Variants in TMEM232 observed in about 807,000 individuals in gnomAD.
The protein encoded by TMEM232 is transmembrane protein 232.
A neutral mutation model predicts 78.8 loss-of-function variants in TMEM232; 80 were observed. The observed-to-expected ratio is 1.01, with a 90% confidence interval of 0.85 to 1.22. TMEM232 has a LOEUF of 1.22. Ranked by LOEUF, TMEM232 falls within the 50% of genes most tolerant of loss-of-function variation. The probability of loss-of-function intolerance (pLI) is 0.00; values close to 1 mark genes in which losing one functional copy is unlikely to be tolerated. For missense variants in TMEM232, 881 were observed against 742.2 expected (o/e 1.19, Z -2.17); for synonymous variants, 297 against 254.3 (o/e 1.17, Z -1.60).
upstream of TMEM232, among the ~76,000 whole-genome samples, chr5:110,731,464 G>C (rs111841816): frequency 0.014 from 2,063 of 152,328 alleles, 42 homozygotes; most frequent in African/African-American, 0.047. Context: ...CCCTGCAGCA[G>C]ACTTTTGCCT....
chr5:110,535,360 C>A (rs1001216463), intron 11 of TMEM232, among the ~76,000 whole-genome samples: 1 of 152,100 alleles, frequency 6.6e-6, no homozygotes, highest in Non-Finnish European at 1.5e-5. Flanking sequence ...AACAACCCCC[C>A]TTTTTCCTTT....
Position 110,528,664 on chromosome 5 carries a change from T to C in TMEM232, c.1627A>G (p.Ile543Val), listed in dbSNP as rs888556138. ...AHFLPLKKPS[I>V]KKDQTKYPNK... ...GGATATTTTGTTTGATCCTTTTTTA[T>C]TGATGGTTTCTTCAAAGGAAGAAAA... Residue 543 changes from isoleucine (I) to valine (V), a missense_variant, in exon 12 of 14, where the codon ATA (isoleucine) becomes GTA (valine). By Grantham distance (29) the Ile-to-Val change is conservative. Coordinates refer to ENST00000455884, the MANE Select transcript of TMEM232 (RefSeq NM_001039763.4). The C allele has an allele frequency of 6.1e-5, 94 of 1,535,084 alleles. 1 individual carries two copies. The highest frequency in any genetic ancestry group is 1.1e-4 in the African/African-American group (8 of 73,030).
At chr5:110,649,450 A>T (rs1013787929) in intron 2 of TMEM232, among the ~76,000 whole-genome samples, 19 of 152,164 alleles carry the variant, frequency 1.2e-4, no homozygotes, top group Admixed American at 6.6e-5. Context: ...ACAACAAAAA[A>T]TATACAAGTG....
intron 12 of TMEM232, among the ~76,000 whole-genome samples, chr5:110,500,918 C>T (rs925876496): frequency 2.6e-5 from 4 of 152,102 alleles, no homozygotes; most frequent in African/African-American, 9.7e-5. Context: ...ATAGTTCTTC[C>T]ACTATGCAAA....
intron 12 of TMEM232, among the ~76,000 whole-genome samples, chr5:110,444,556 G>A (rs1283724750): frequency 5.3e-5 from 8 of 152,130 alleles, no homozygotes; most frequent in Non-Finnish European, 1.0e-4. Flanking sequence ...ATGCTTTTCC[G>A]TGACAGTTGT....
intron 11 of TMEM232, among the ~76,000 whole-genome samples, chr5:110,550,314 T>C (rs1408063804): frequency 6.6e-6 from 1 of 152,162 alleles, no homozygotes; most frequent in African/African-American, 2.4e-5. Context: ...GAGGTATTTC[T>C]AAAAATATGC....
rs374000463 is a variant in TMEM232, at chr5:110,661,292, A to G, written c.125+5936T>C. Among the ~76,000 whole-genome samples, 6 of 152,288 alleles carry G rather than the reference A, an allele frequency of 3.9e-5. No individual in the cohort carries two copies. In the South Asian group the frequency reaches 1.0e-3, roughly 26 times the overall value. ...TATTGTGAATAATGCTACAAGTAAC[A>G]TGAGAGGACAGATATCTCTTTTATT... On this transcript the variant is annotated intron_variant, in intron 2 of 13. Transcript: ENST00000455884.
At chr5:110,678,990 G>A (rs1415223941) in intron 1 of TMEM232, among the ~76,000 whole-genome samples, 1 of 152,094 alleles carries the variant, frequency 6.6e-6, no homozygotes, top group Admixed American at 6.6e-5. Context: ...TCATGTGCAG[G>A]TTTTTCTATG....
chr5:110,523,018 T>C (rs1769778280), intron 12 of TMEM232, among the ~76,000 whole-genome samples: 1 of 152,188 alleles, frequency 6.6e-6, no homozygotes, highest in South Asian at 2.1e-4. Flanking sequence ...GATTCACCAA[T>C]GAAGCTACTG....
At position 110,397,263 on chromosome 5, in the gene TMEM232, T is replaced by G. The variant is rs183867972; in HGVS notation, n.390+510A>C. On this transcript the variant is annotated intron_variant and non_coding_transcript_variant, in intron 3 of 8. Transcript: ENST00000507188. ...AGATATATGCCATCTGTTTAAAATT[T>G]AAATGTTATACCATGAAAAACATGT... Among the ~76,000 whole-genome samples the G allele has an allele frequency of 7.2e-5, 11 of 152,274 alleles. No homozygotes were observed. The East Asian group carries it at 1.9e-3, about 27-fold the overall frequency.
chr5:110,496,990 G>T (rs916154083), intron 12 of TMEM232, among the ~76,000 whole-genome samples: 2 of 151,938 alleles, frequency 1.3e-5, no homozygotes, highest in Non-Finnish European at 2.9e-5. Flanking sequence ...TAAATTCCTA[G>T]GATCTGGTGA....
At chr5:110,667,955 A>G (rs1036039834) in intron 1 of TMEM232, among the ~76,000 whole-genome samples, 1 of 152,044 alleles carries the variant, frequency 6.6e-6, no homozygotes, top group African/African-American at 2.4e-5. Flanking sequence ...AGTATATTCT[A>G]TGAGTGTATG....
intron 8 of TMEM232, among the ~76,000 whole-genome samples, chr5:110,613,475 T>C (rs993830799): frequency 6.6e-6 from 1 of 152,296 alleles, no homozygotes; most frequent in South Asian, 2.1e-4. Flanking sequence ...TTCAACATTA[T>C]GTTACTTTCC....
At chr5:110,581,556 TA>T (rs1778212328) in intron 10 of TMEM232, among the ~76,000 whole-genome samples, 1 of 151,870 alleles carries the variant, frequency 6.6e-6, no homozygotes, top group South Asian at 2.1e-4. Flanking sequence ...CTACAAACTA[TA>T]AAAATCCTAG....
rs369599692 is a variant in TMEM232, at chr5:110,660,111, T to C, written c.125+7117A>G. On this transcript the variant is annotated intron_variant, in intron 2 of 13. Transcript: ENST00000455884. ...AAGTAAGATAATTTTTAAAATTATA[T>C]TCTGACACATCATAGCAAAACTGAA... 3.6e-4 allele frequency among the ~76,000 whole-genome samples: 55 copies of C among 152,216 alleles called. No homozygotes were observed. In the East Asian group the frequency reaches 5.6e-3, roughly 15 times the overall value.
At chr5:110,649,260 T>A (rs956587035) in intron 2 of TMEM232, among the ~76,000 whole-genome samples, 6 of 152,098 alleles carry the variant, frequency 3.9e-5, no homozygotes, top group Non-Finnish European at 7.4e-5. Context: ...AGGATTTTTT[T>A]AATTGGTTTA....
intron 1 of TMEM232, among the ~76,000 whole-genome samples, chr5:110,689,107 C>T (rs1793776638): frequency 6.6e-6 from 1 of 152,132 alleles, no homozygotes; most frequent in African/African-American, 2.4e-5. Context: ...CAGAGAAAGG[C>T]ATAGACCTGT....
intron 12 of TMEM232, among the ~76,000 whole-genome samples, chr5:110,457,461 T>C (rs1761027311): frequency 6.6e-6 from 1 of 152,146 alleles, no homozygotes; most frequent in Admixed American, 6.5e-5. Flanking sequence ...TTATTTTTTA[T>C]ACACATACTT....
At chr5:110,428,902 C>T (rs943035158) in intron 12 of TMEM232, among the ~76,000 whole-genome samples, 1 of 151,744 alleles carries the variant, frequency 6.6e-6, no homozygotes, top group African/African-American at 2.4e-5. Flanking sequence ...AAACCTGGTA[C>T]AGATGACAAA....
Sources: gnomAD v4.1 joint callset for allele counts (sites outside exome capture counted in the v4.1 genomes callset) on GRCh38, gnomAD v4.1.1 for gene constraint, MANE v1.5 for transcripts, NCBI Gene and HGNC (gene_info 2026-07-23, HGNC 2026-07-21) for gene names.